The following AGBL1 variants were observed in gnomAD, a reference collection of about 807,000 sequenced individuals.
The protein encoded by AGBL1 is AGBL carboxypeptidase 1.
In AGBL1, 130 loss-of-function variants were observed where a neutral mutation model predicts 118.9. That is an observed-to-expected ratio of 1.09 (90% CI 0.95 to 1.26). The LOEUF (loss-of-function observed/expected upper bound fraction) is 1.26, where lower values mean the gene tolerates loss of function less well. Among genes scored for constraint, AGBL1 ranks in the 50% most tolerant of loss-of-function variants. The pLI is 0.00. For synonymous variants in AGBL1, 555 were observed against 478.9 expected, an observed-to-expected ratio of 1.16 and a Z score of -2.08; for missense variants, 1,584 against 1,298.1, an observed-to-expected ratio of 1.22 and a Z score of -3.38.
At chr15:86,825,674 A>G in intron 22 of AGBL1, among the ~76,000 whole-genome samples, 1 of 119,032 alleles carries the variant, frequency 8.4e-6, no homozygotes. Flanking sequence ...AGAGGGAGGG[A>G]GGAAGGAAGG....
At chr15:86,418,076 C>A (rs970329928) in intron 18 of AGBL1, among the ~76,000 whole-genome samples, 1 of 152,100 alleles carries the variant, frequency 6.6e-6, no homozygotes, top group Admixed American at 6.6e-5. Context: ...CTTTGGAGAC[C>A]ACTTTGGATC....
At chr15:86,210,435 G>T (rs899801698) in intron 5 of AGBL1, among the ~76,000 whole-genome samples, 1 of 152,150 alleles carries the variant, frequency 6.6e-6, no homozygotes, top group Non-Finnish European at 1.5e-5. Flanking sequence ...CATTCTCCCT[G>T]TCACTTTCAG....
At chr15:86,709,381 T>G (rs1002873906) in intron 22 of AGBL1, among the ~76,000 whole-genome samples, 1 of 152,110 alleles carries the variant, frequency 6.6e-6, no homozygotes, top group African/African-American at 2.4e-5. Context: ...GAACAAAAAC[T>G]CTTTGAATGC....
chr15:86,263,789 A>G (rs2079029890), intron 10 of AGBL1, among the ~76,000 whole-genome samples: 1 of 152,208 alleles, frequency 6.6e-6, no homozygotes, highest in Non-Finnish European at 1.5e-5. Context: ...GAATTTGCCT[A>G]CATCTAAGGG....
chr15:86,554,477 G>C lies in AGBL1; in HGVS notation c.2934G>C (p.Gly978=), dbSNP rs1486765078. 6.3e-7 allele frequency: 1 copy of C among 1,586,384 alleles called. No homozygotes were observed. Among genetic ancestry groups the C allele is most frequent in the South Asian group, 1.2e-5 (1 of 86,336 alleles). Residue 978 remains glycine (G), a synonymous_variant, in exon 21 of 23, where the codon GGG becomes GGC. Transcript: ENST00000614907. Reference sequence around the variant, plus strand: ...GGGTGGTGGTGTGGAGAGAGATGGGGGTGTCCAGAAGCTACACCATGGAAA... The same window carrying C: ...GGGTGGTGGTGTGGAGAGAGATGGGCGTGTCCAGAAGCTACACCATGGAAA... ...TARVVVWREM[G]VSRSYTMESS... is the part of the protein sequence containing the mutation.
chr15:87,017,399 A>G (rs1379982841), intron 24 of AGBL1, among the ~76,000 whole-genome samples: 3 of 152,116 alleles, frequency 2.0e-5, no homozygotes, highest in Non-Finnish European at 4.4e-5. Context: ...ACATGTCCGT[A>G]CTTCCCTGGG....
chr15:86,699,358 G>A (rs750427910), intron 22 of AGBL1, among the ~76,000 whole-genome samples: 2 of 151,848 alleles, frequency 1.3e-5, no homozygotes, highest in African/African-American at 2.4e-5. Context: ...TAAAACAATG[G>A]CAATTAATAA....
At chr15:86,413,526 C>CAACA (rs2081649881) in intron 18 of AGBL1, among the ~76,000 whole-genome samples, 1 of 152,012 alleles carries the variant, frequency 6.6e-6, no homozygotes, top group Admixed American at 6.6e-5. Flanking sequence ...GTTTCCTCAC[C>CAACA]AACATCTGTT....
intron 18 of AGBL1, among the ~76,000 whole-genome samples, chr15:86,445,721 A>G (rs2082112852): frequency 6.6e-6 from 1 of 152,200 alleles, no homozygotes; most frequent in Non-Finnish European, 1.5e-5. Flanking sequence ...TCATTCATCC[A>G]TTTATCAGGC....
chr15:86,491,774 A>G (rs561801582), intron 18 of AGBL1, among the ~76,000 whole-genome samples: 35 of 151,760 alleles, frequency 2.3e-4, no homozygotes, highest in African/African-American at 7.7e-4. Context: ...CTGGAAAAAA[A>G]TTAATGATAT....
rs541456501 is a variant in AGBL1, at chr15:86,856,746, T to C, written c.3159-50341T>C. Among the ~76,000 whole-genome samples the C allele has an allele frequency of 1.3e-4, 20 of 152,340 alleles. No individual in the cohort carries two copies. In the South Asian group the frequency reaches 4.1e-3, roughly 32 times the overall value. On this transcript the variant is annotated intron_variant, in intron 22 of 22. Coordinates refer to ENST00000614907, the MANE Select transcript of AGBL1 (RefSeq NM_001386094.1). The stretch of plus-strand genomic sequence containing the variant: ...AGCCTGAGTAACGCAATGACCACTG[T>C]TGTCTGTGGAACATAAGCTTAGAGC...
At chr15:86,616,384 A>T (rs1410852258) in intron 21 of AGBL1, among the ~76,000 whole-genome samples, 1 of 151,936 alleles carries the variant, frequency 6.6e-6, no homozygotes, top group Non-Finnish European at 1.5e-5. Flanking sequence ...GAAGATGGAA[A>T]ACTTGTCGTT....
rs541329325 is a variant in AGBL1, at chr15:86,562,858, T to G, written c.2994+8321T>G. 1.1e-4 allele frequency among the ~76,000 whole-genome samples: 13 copies of G among 119,932 alleles called. No individual in the cohort carries two copies. In the South Asian group the frequency reaches 3.2e-3, roughly 29 times the overall value. 78.7% of individuals were successfully genotyped at this position (119,932 alleles called of 152,430 possible). ...TCTATTCAGGGAATCAACTTCTTCC[T>G]GGTTTAGTCTTGGGAGGGTGCATGT... On this transcript the variant is annotated intron_variant, in intron 21 of 22. Coordinates refer to ENST00000614907, the MANE Select transcript of AGBL1 (RefSeq NM_001386094.1).
chr15:86,897,884 C>G (rs1259070945), intron 22 of AGBL1, among the ~76,000 whole-genome samples: 1 of 151,238 alleles, frequency 6.6e-6, no homozygotes, highest in African/African-American at 2.4e-5. Context: ...ATCCTCCCAC[C>G]TCAGCCTCCT....
chr15:86,457,055 A>T (rs997086189), intron 18 of AGBL1, among the ~76,000 whole-genome samples: 1 of 152,194 alleles, frequency 6.6e-6, no homozygotes, highest in Non-Finnish European at 1.5e-5. Context: ...CCCTTTCATT[A>T]TGCAGCCTAG....
chr15:86,888,362 GAAAA>G (rs11290498), intron 22 of AGBL1, among the ~76,000 whole-genome samples: 3 of 127,170 alleles, frequency 2.4e-5, no homozygotes, highest in African/African-American at 8.7e-5. Context: ...CTCTTCAAAA[GAAAA>G]AAAAAAAAAG....
At chr15:86,149,307 G>T (rs1466469533) in intron 3 of AGBL1, among the ~76,000 whole-genome samples, 1 of 152,154 alleles carries the variant, frequency 6.6e-6, no homozygotes, top group Non-Finnish European at 1.5e-5. Flanking sequence ...TGGGCTGAAT[G>T]CTCCAATTAA....
intron 21 of AGBL1, among the ~76,000 whole-genome samples, chr15:86,664,859 ATATCT>A (rs903446676): frequency 3.3e-4 from 47 of 144,294 alleles, no homozygotes; most frequent in African/African-American, 9.9e-4. Context: ...ACATAAAATA[ATATCT>A]TAATTCAGAT....
At chr15:86,272,404 G>C (rs967322850) in intron 15 of AGBL1, among the ~76,000 whole-genome samples, 2 of 152,028 alleles carry the variant, frequency 1.3e-5, no homozygotes, top group African/African-American at 4.8e-5. Flanking sequence ...TGCTATGAGA[G>C]GTAGAATATA....
Sources: gnomAD v4.1 joint callset for allele counts (sites outside exome capture counted in the v4.1 genomes callset) on GRCh38, gnomAD v4.1.1 for gene constraint, MANE v1.5 for transcripts, NCBI Gene and HGNC (gene_info 2026-07-23, HGNC 2026-07-21) for gene names.